The following ESR1 variants were observed in gnomAD, a reference collection of about 807,000 sequenced individuals.
The protein encoded by ESR1 is estrogen receptor.
In ESR1, 12 loss-of-function variants were observed where a neutral mutation model predicts 52.7. That is an observed-to-expected ratio of 0.23 (90% CI 0.15 to 0.37). ESR1 has a LOEUF of 0.37. ESR1 is among the 10% of genes least tolerant of loss of function. ESR1 has a pLI of 1.00. For missense variants in ESR1, 584 were observed against 779.7 expected, an observed-to-expected ratio of 0.75 and a Z score of 2.99; for synonymous variants, 305 against 316.8, an observed-to-expected ratio of 0.96 and a Z score of 0.39.
chr6:151,859,020 G>C (rs1199498475), intron 2 of ESR1, among the ~76,000 whole-genome samples: 1 of 152,142 alleles, frequency 6.6e-6, no homozygotes, highest in Non-Finnish European at 1.5e-5. Context: ...AAAACTACAG[G>C]AGTAGTCACT....
At chr6:151,710,573 AT>A (rs1041714669) in intron 2 of ESR1, among the ~76,000 whole-genome samples, 1 of 151,552 alleles carries the variant, frequency 6.6e-6, no homozygotes, top group Non-Finnish European at 1.5e-5. Flanking sequence ...GGTAAATTGA[AT>A]TTTTTTTTAT....
rs537561824 is a variant in ESR1 at position 151,695,193 on chromosome 6, G to A, written c.-202+4529G>A. Among the ~76,000 whole-genome samples, 4 of 152,312 alleles carry A rather than the reference G, an allele frequency of 2.6e-5. No individual in the cohort carries two copies. In the South Asian group the frequency reaches 6.2e-4, roughly 24 times the overall value. On this transcript the variant is annotated intron_variant, in intron 1 of 2. Coordinates refer to the ESR1 transcript ENST00000404742. ...GATCCCTGTTGAATGCATACCTGGAGCTTGGTTTCCCTAAGCACAGACTTT... is the reference window on the plus strand; with the variant it reads ...GATCCCTGTTGAATGCATACCTGGAACTTGGTTTCCCTAAGCACAGACTTT...
chr6:151,789,239 T>C (rs891331407), intron 2 of ESR1, among the ~76,000 whole-genome samples: 1 of 152,216 alleles, frequency 6.6e-6, no homozygotes, highest in Non-Finnish European at 1.5e-5. Flanking sequence ...ATTTTTTTAT[T>C]GAGTCAGATG....
At chr6:151,686,960 C>T (rs765901728), upstream of ESR1, among the ~76,000 whole-genome samples, 7 of 152,222 alleles carry the variant, frequency 4.6e-5, no homozygotes, top group Non-Finnish European at 8.8e-5. Flanking sequence ...TATCTCAGCT[C>T]ATGGGCTTTC....
rs562877687 is a variant in ESR1, at chr6:151,873,105, C to T, written c.644-7550C>T. ...CAGAGATTCCTTGCATGATTGCAAT[C>T]TGGAAAGTAGATACCATTCTTGAAT... On this transcript the variant is annotated intron_variant, in intron 2 of 7. Coordinates refer to ENST00000206249, the MANE Select transcript of ESR1 (RefSeq NM_000125.4). Among the ~76,000 whole-genome samples the T allele has an allele frequency of 8.8e-4, 134 of 152,244 alleles. 1 individual carries two copies. Among genetic ancestry groups the T allele is most frequent in the African/African-American group, 2.7e-3 (111 of 41,548 alleles).
intron 2 of ESR1, among the ~76,000 whole-genome samples, chr6:151,798,950 T>G (rs1776966198): frequency 6.6e-6 from 1 of 152,238 alleles, no homozygotes; most frequent in African/African-American, 2.4e-5. Flanking sequence ...CACAGTTGTT[T>G]CAATGTTTTT....
At chr6:151,783,210 C>T (rs1786712725) in intron 2 of ESR1, among the ~76,000 whole-genome samples, 1 of 152,198 alleles carries the variant, frequency 6.6e-6, no homozygotes, top group African/African-American at 2.4e-5. Context: ...ACCACTTTTA[C>T]ACAGTGTCTA....
intron 3 of ESR1, among the ~76,000 whole-genome samples, chr6:151,882,981 T>C (rs1474980657): frequency 6.6e-6 from 1 of 152,128 alleles, no homozygotes; most frequent in Non-Finnish European, 1.5e-5. Context: ...AAAATATATA[T>C]CTGTATTAGT....
chr6:151,887,177 A>C (rs903550625), intron 3 of ESR1, among the ~76,000 whole-genome samples: 1 of 152,068 alleles, frequency 6.6e-6, no homozygotes, highest in African/African-American at 2.4e-5. Context: ...CTGCATGTGA[A>C]TCCAAGTTTC....
At chr6:152,013,237 C>CTCTT (rs532202048) in intron 5 of ESR1, among the ~76,000 whole-genome samples, 129 of 151,708 alleles carry the variant, frequency 8.5e-4, no homozygotes, top group African/African-American at 3.0e-3. Context: ...CTTTGCTTTC[C>CTCTT]TCTTTCTTTC....
intron 2 of ESR1, among the ~76,000 whole-genome samples, chr6:151,778,161 T>C (rs528313695): frequency 5.2e-4 from 79 of 152,156 alleles, no homozygotes; most frequent in African/African-American, 1.8e-3. Flanking sequence ...AAGAGAAATG[T>C]TGTATGATTT....
At chr6:151,850,954 G>A (rs181264883) in intron 2 of ESR1, among the ~76,000 whole-genome samples, 25 of 151,938 alleles carry the variant, frequency 1.6e-4, no homozygotes, top group Middle Eastern at 3.4e-3. Context: ...TTCTTGTTGC[G>A]AGACATTCTG....
chr6:152,065,729 C>T (rs2047913853), intron 6 of ESR1, among the ~76,000 whole-genome samples: 1 of 152,114 alleles, frequency 6.6e-6, no homozygotes, highest in South Asian at 2.1e-4. Context: ...CTCCAGTTAC[C>T]CGGATGCCTT....
chr6:151,813,527 A>C (rs1272005814), intron 1 of ESR1: 1 of 152,170 alleles, frequency 6.6e-6, no homozygotes, highest in Admixed American at 6.5e-5. Flanking sequence ...ATTGTTTTAG[A>C]ATTCTAATTC....
Position 152,098,786 on chromosome 6 carries a change from C to T in ESR1, c.1608C>T (p.Leu536=), listed in dbSNP as rs367945252. Residue 536 remains leucine (L), a synonymous_variant, in exon 8 of 8, where the codon CTC becomes CTT. Transcript: ENST00000206249. This position sits in a 1 kb window ranked among gnomAD's most constrained non-coding sequence, Gnocchi z 5.1. ...TGAAGTGCAAGAACGTGGTGCCCCT[C>T]TATGACCTGCTGCTGGAGATGCTGG... is the stretch of plus-strand genomic sequence containing the variant. ...YSMKCKNVVP[L]YDLLLEMLDA... 2.0e-4 allele frequency: 329 copies of T among 1,614,084 alleles called. No individual in the cohort carries two copies. Among genetic ancestry groups the T allele is most frequent in the Non-Finnish European group, 2.7e-4 (318 of 1,180,036 alleles).
chr6:152,017,567 A>G (rs187371570), intron 5 of ESR1, among the ~76,000 whole-genome samples: 53 of 152,280 alleles, frequency 3.5e-4, no homozygotes, highest in African/African-American at 1.1e-3. Context: ...CTTGTTTTCC[A>G]TTCTAGCACC....
chr6:151,907,793 A>G (rs1200204115), intron 3 of ESR1, among the ~76,000 whole-genome samples: 1 of 152,158 alleles, frequency 6.6e-6, no homozygotes, highest in Non-Finnish European at 1.5e-5. Context: ...TTCGCCATAT[A>G]TTGTCAAAAT....
intron 1 of ESR1, among the ~76,000 whole-genome samples, chr6:151,677,976 C>CAAAT (rs1778310434): frequency 1.0e-5 from 1 of 98,360 alleles, no homozygotes; most frequent in Non-Finnish European, 2.4e-5. Context: ...ATTAATAAAA[C>CAAAT]GTAATGAAAG....
intron 2 of ESR1, among the ~76,000 whole-genome samples, chr6:151,866,987 AT>A (rs1329805019): frequency 1.3e-5 from 2 of 152,182 alleles, no homozygotes; most frequent in African/African-American, 4.8e-5. Flanking sequence ...CTGATCTTTG[AT>A]AAACCTGACA....
Sources: allele counts gnomAD v4.1 joint callset (sites outside exome capture counted in the v4.1 genomes callset), GRCh38; gene constraint gnomAD v4.1.1; non-coding constraint Gnocchi (gnomAD v3.1); transcripts MANE v1.5; gene names NCBI Gene and HGNC (gene_info 2026-07-23, HGNC 2026-07-21).